RCC1L: variants seen among roughly 807,000 people sequenced by gnomAD.
RCC1L encodes RCC1 like.
In RCC1L, 46 loss-of-function variants were observed where a neutral mutation model predicts 58.6. That is an observed-to-expected ratio of 0.79 (90% confidence interval 0.62 to 1.00). The LOEUF (loss-of-function observed/expected upper bound fraction) is 1.00, where lower values mean the gene tolerates loss of function less well. Ranked by LOEUF, RCC1L falls within the 50% of genes least tolerant of loss-of-function variation. The pLI is 0.00. For missense variants in RCC1L, 636 were observed against 623.6 expected (o/e 1.02, Z -0.21); for synonymous variants, 281 against 262.9 (o/e 1.07, Z -0.67).
intron 6 of RCC1L, among the ~76,000 whole-genome samples, chr7:75,060,259 G>T (rs182822052): frequency 8.5e-5 from 13 of 152,180 alleles, no homozygotes; most frequent in African/African-American, 2.9e-4. Flanking sequence ...GATGCACCAC[G>T]GTTGATCCAT....
chr7:75,052,589 C>A, intron 10 of RCC1L, 122 bp downstream of exon 10: 1 of 897,440 alleles, frequency 1.1e-6, no homozygotes, highest in Non-Finnish European at 1.8e-6. Context: ...CAGCCAGGAC[C>A]CGGAAGGGGG....
At chr7:75,051,471 G>A (rs1460501801) in intron 10 of RCC1L, among the ~76,000 whole-genome samples, 2 of 151,576 alleles carry the variant, frequency 1.3e-5, no homozygotes, top group African/African-American at 4.8e-5. Context: ...GAGTGCAGCA[G>A]CGTCTGATCT....
At chr7:75,053,347 C>T (rs905451653) in intron 9 of RCC1L, among the ~76,000 whole-genome samples, 8 of 152,106 alleles carry the variant, frequency 5.3e-5, no homozygotes, top group African/African-American at 1.4e-4. Context: ...CCTTGTGCCC[C>T]GCCCACAATC....
rs1554444832 is a variant in RCC1L at position 75,064,587 on chromosome 7, A to C, written c.645T>G (p.Ile215Met). 1.3e-4 allele frequency: 203 copies of C among 1,613,780 alleles called. 2 individuals are homozygous for C. In the South Asian group the frequency reaches 2.1e-3, roughly 17 times the overall value. ...TAGGCCTTTTAGGAACTCACCTGTA[A>C]ATTTCATTTTCGACCACCTTTCTTC... ...QCGRKVVENE[I>M]YSESHRVHRM... The change falls in exon 4 of 11, where the codon ATT becomes ATG. Residue 215 changes from isoleucine (I) to methionine (M), a missense_variant. Coordinates refer to ENST00000610322, the MANE Select transcript of RCC1L (RefSeq NM_030798.5).
chr7:75,067,850 AC>A lies in RCC1L; in HGVS notation c.455-1059del, dbSNP rs587729397. On this transcript the variant is annotated intron_variant, in intron 2 of 10. Coordinates refer to ENST00000610322, the MANE Select transcript of RCC1L (RefSeq NM_030798.5). ...ACAGGGCAAGACCCTGTCTCCCCTT[AC>A]CCCCCCAAAAAATTAAACTGTTGGA... Among the ~76,000 whole-genome samples the A allele has an allele frequency of 7.9e-4, 120 of 151,428 alleles. No homozygotes were observed. In the Middle Eastern group the frequency reaches 0.01, roughly 13 times the overall value.
intron 6 of RCC1L, among the ~76,000 whole-genome samples, chr7:75,059,564 G>A (rs1214114814): frequency 6.6e-6 from 1 of 151,896 alleles, no homozygotes; most frequent in Non-Finnish European, 1.5e-5. Flanking sequence ...GAGCCACTGC[G>A]CCTGGTCTAA....
intron 10 of RCC1L, among the ~76,000 whole-genome samples, chr7:75,050,011 C>T (rs1805856138): frequency 6.6e-6 from 1 of 152,210 alleles, no homozygotes; most frequent in Non-Finnish European, 1.5e-5. Context: ...CGTGCACAAA[C>T]CCTTAGGGGC....
At chr7:75,037,669 T>G (rs1805458526), downstream of RCC1L, among the ~76,000 whole-genome samples, 1 of 152,002 alleles carries the variant, frequency 6.6e-6, no homozygotes, top group African/African-American at 2.4e-5. Flanking sequence ...CACACCCAGC[T>G]AATTTTTGTA....
rs587725079 is a variant in RCC1L at position 75,070,506 on chromosome 7, G to C, written c.454+134C>G. 1.0e-4 allele frequency: 120 copies of C among 1,202,946 alleles called. 1 individual carries two copies. The South Asian group carries it at 1.7e-3, about 17-fold the overall frequency. 74.5% of individuals were successfully genotyped at this position (1,202,946 alleles called of 1,614,324 possible). On this transcript the variant is annotated intron_variant, in intron 2 of 10. Transcript: ENST00000610322. ...GAATCACTTGAACCCGGGAGGTGGA[G>C]GTTGCAGTGAGCCAGGATCTCGCCA...
chr7:75,027,896 T>C, exon 11 of RCC1L: 2 of 973,438 alleles, frequency 2.1e-6, no homozygotes, highest in Admixed American at 2.0e-5. Flanking sequence ...GTCCCCCAGC[T>C]ATCTCCTGGT....
intron 2 of RCC1L, among the ~76,000 whole-genome samples, 166 bp from the exon 3 acceptor site, chr7:75,066,958 C>G (rs1388271761): frequency 6.6e-6 from 1 of 152,186 alleles, no homozygotes; most frequent in African/African-American, 2.4e-5. Flanking sequence ...CAACTCCCAG[C>G]CCATGGCATG....
At chr7:75,064,468 G>C (rs930367182) in intron 4 of RCC1L, 114 bp downstream of exon 4, 12 of 1,132,738 alleles carry the variant, frequency 1.1e-5, no homozygotes, top group Non-Finnish European at 1.6e-5. Flanking sequence ...GAGTTCTCAC[G>C]GCCCCCTCTC....
chr7:75,044,049 C>T (rs1467666478), intron 10 of RCC1L, among the ~76,000 whole-genome samples: 2 of 152,130 alleles, frequency 1.3e-5, no homozygotes, highest in Non-Finnish European at 2.9e-5. Flanking sequence ...AGAGGACAGC[C>T]CAAGCTTCAA....
downstream of RCC1L, among the ~76,000 whole-genome samples, chr7:75,041,902 T>C (rs1205053678): frequency 1.3e-5 from 2 of 151,590 alleles, no homozygotes; most frequent in Non-Finnish European, 2.9e-5. Flanking sequence ...AAGAAAATAT[T>C]TGTCGAGTAG....
At chr7:75,064,086 C>A (rs1027568595) in intron 4 of RCC1L, among the ~76,000 whole-genome samples, 1 of 152,142 alleles carries the variant, frequency 6.6e-6, no homozygotes, top group African/African-American at 2.4e-5. Context: ...AATCCCAGCA[C>A]TTTGGGAGGC....
intron 10 of RCC1L, among the ~76,000 whole-genome samples, chr7:75,036,116 C>CTT (rs33924314): frequency 0.076 from 9,440 of 125,004 alleles, 502 homozygotes; most frequent in Non-Finnish European, 0.086. Context: ...CAAAGTCACT[C>CTT]TTTTTTTTTT....
intron 10 of RCC1L, among the ~76,000 whole-genome samples, chr7:75,052,294 G>A (rs1025913566): frequency 3.3e-5 from 5 of 152,082 alleles, no homozygotes; most frequent in African/African-American, 2.4e-5. Flanking sequence ...CCCCCTCTCC[G>A]GAGCCTCATG....
At chr7:75,044,072 A>G (rs1805645332) in intron 10 of RCC1L, among the ~76,000 whole-genome samples, 1 of 152,168 alleles carries the variant, frequency 6.6e-6, no homozygotes, top group Non-Finnish European at 1.5e-5. Flanking sequence ...GAGCAAGAAG[A>G]TGGCCTCACT....
chr7:75,062,693 T>G (rs1192228610), intron 5 of RCC1L, among the ~76,000 whole-genome samples: 2 of 152,238 alleles, frequency 1.3e-5, no homozygotes, highest in Non-Finnish European at 2.9e-5. Context: ...AGTGCTGTGA[T>G]ACTTTTGCCT....
Sources: gnomAD v4.1 joint callset for allele counts (sites outside exome capture counted in the v4.1 genomes callset) on GRCh38, gnomAD v4.1.1 for gene constraint, MANE v1.5 for transcripts, NCBI Gene and HGNC (gene_info 2026-07-23, HGNC 2026-07-21) for gene names.